Variants in TMEM132B observed in about 807,000 individuals in gnomAD.
TMEM132B encodes transmembrane protein 132B.
A neutral mutation model predicts 90.8 loss-of-function variants in TMEM132B; 18 were observed. The ratio of observed to expected loss-of-function variants is 0.20; its 90% CI spans 0.14 to 0.29. The LOEUF (loss-of-function observed/expected upper bound fraction) is 0.29. Ranked by LOEUF, TMEM132B falls within the 10% of genes least tolerant of loss-of-function variation. The probability of loss-of-function intolerance (pLI) is 1.00; values close to 1 mark genes in which losing one functional copy is unlikely to be tolerated. For synonymous variants in TMEM132B, 504 were observed against 523.3 expected, an observed-to-expected ratio of 0.96 and a Z score of 0.50; for missense variants, 1,096 against 1,326.8, an observed-to-expected ratio of 0.83 and a Z score of 2.70.
At chr12:125,284,768 A>G (rs1291792521) in intron 1 of TMEM132B, among the ~76,000 whole-genome samples, 1 of 152,094 alleles carries the variant, frequency 6.6e-6, no homozygotes, top group Non-Finnish European at 1.5e-5. Flanking sequence ...TTTATTGGCC[A>G]ATGTAGCTAA....
chr12:125,393,194 G>A (rs146049610), intron 2 of TMEM132B, among the ~76,000 whole-genome samples: 1 of 152,158 alleles, frequency 6.6e-6, no homozygotes, highest in South Asian at 2.1e-4. Context: ...CAATCACAGG[G>A]ACCTGCTGCA....
At chr12:125,350,482 A>T in intron 2 of TMEM132B, 139 bp downstream of exon 2, 11 of 1,021,304 alleles carry the variant, frequency 1.1e-5, no homozygotes, top group Non-Finnish European at 1.4e-5. Flanking sequence ...TGGTGAAAAC[A>T]GATTTTATTC....
intron 1 of TMEM132B, among the ~76,000 whole-genome samples, chr12:125,270,948 GT>G (rs35421730): frequency 5.1e-4 from 75 of 145,850 alleles, no homozygotes; most frequent in African/African-American, 7.5e-4. Flanking sequence ...AAACATAGTT[GT>G]TTTTTTTTTT....
In TMEM132B at chr12:125,653,933, C is replaced by T. The variant is rs369560013; in HGVS notation, c.2475C>T (p.Arg825=). 1.3e-4 allele frequency: 214 copies of T among 1,614,048 alleles called. 1 individual carries two copies. The East Asian group carries it at 1.4e-3, about 11-fold the overall frequency. ...YKDHLSNSIE[R]EGNQERAVQE... ...ACCACCTCAGTAATTCCATAGAGCG[C>T]GAAGGAAACCAGGAGAGAGCAGTCC... Residue 825 remains arginine, a synonymous_variant, in exon 9 of 9, where the codon CGC becomes CGT. Transcript: ENST00000682704.
In TMEM132B at chr12:125,657,863, A is replaced by G. The variant is rs1281914174; in HGVS notation, c.*3153A>G. 2.6e-5 allele frequency: 4 copies of G among 152,334 alleles called. No homozygotes were observed. Among genetic ancestry groups the G allele is most frequent in the Non-Finnish European group, 5.9e-5 (4 of 68,066 alleles). 9.4% of individuals were successfully genotyped at this position (152,334 alleles called of 1,614,324 possible). A position where few individuals can be genotyped will look rare whatever the true frequency, so the allele number is the denominator to read the frequency against. ...GGTTCAGATGCTAGACGACCAGCGT[A>G]TGACCTGGAACCATTGAGGATTGCA... On this transcript the variant is annotated 3_prime_UTR_variant, in exon 9 of 9. Transcript: ENST00000682704.
At chr12:125,257,863 C>A (rs1288944104) in intron 1 of TMEM132B, among the ~76,000 whole-genome samples, 1 of 152,186 alleles carries the variant, frequency 6.6e-6, no homozygotes, top group African/African-American at 2.4e-5. Flanking sequence ...GGAATGAATT[C>A]TTCCCTAGGG....
chr12:125,212,741 C>T (rs1422110211), intron 1 of TMEM132B, among the ~76,000 whole-genome samples: 1 of 152,112 alleles, frequency 6.6e-6, no homozygotes, highest in Non-Finnish European at 1.5e-5. Context: ...ACCTCGATCT[C>T]CCAAAGTGTT....
intron 3 of TMEM132B, among the ~76,000 whole-genome samples, chr12:125,462,047 C>T (rs945393303): frequency 6.6e-6 from 1 of 152,212 alleles, no homozygotes; most frequent in Non-Finnish European, 1.5e-5. Flanking sequence ...ATTGGCTGGG[C>T]TGGCTCACAT....
intron 2 of TMEM132B, among the ~76,000 whole-genome samples, chr12:125,401,379 G>A (rs1360315767): frequency 6.6e-6 from 1 of 152,152 alleles, no homozygotes; most frequent in Non-Finnish European, 1.5e-5. Flanking sequence ...TATTGGGTAC[G>A]GTTTAGTGCT....
intron 1 of TMEM132B, among the ~76,000 whole-genome samples, chr12:125,320,946 TC>T (rs1876411831): frequency 6.6e-6 from 1 of 152,234 alleles, no homozygotes; most frequent in Non-Finnish European, 1.5e-5. Context: ...TCACCTGAGC[TC>T]ATTTATAACT....
intron 4 of TMEM132B, among the ~76,000 whole-genome samples, chr12:125,564,608 T>C (rs1025268422): frequency 3.3e-5 from 5 of 152,220 alleles, no homozygotes; most frequent in Non-Finnish European, 5.9e-5. Context: ...AGGTCCAGGA[T>C]TGAAGGGCTT....
intron 2 of TMEM132B, among the ~76,000 whole-genome samples, chr12:125,404,335 GC>G (rs1369368531): frequency 6.6e-6 from 1 of 152,144 alleles, no homozygotes; most frequent in East Asian, 1.9e-4. Context: ...GGAGACATTT[GC>G]CTTTGCCTAG....
intron 4 of TMEM132B, among the ~76,000 whole-genome samples, chr12:125,552,821 C>T (rs1884268865): frequency 6.6e-6 from 1 of 152,190 alleles, no homozygotes; most frequent in Admixed American, 6.5e-5. Context: ...TAGATGAAGC[C>T]ACTCTGCAAT....
intron 2 of TMEM132B, among the ~76,000 whole-genome samples, chr12:125,402,814 C>A (rs191366628): frequency 6.6e-6 from 1 of 152,246 alleles, no homozygotes; most frequent in African/African-American, 2.4e-5. Context: ...TTCAAGGATT[C>A]ATACAGCAAA....
chr12:125,586,028 G>T, intron 5 of TMEM132B: 1 of 152,166 alleles, frequency 6.6e-6, no homozygotes, highest in East Asian at 1.9e-4. Context: ...ATAACTCCAA[G>T]TTGAATGGAG....
chr12:125,614,941 C>G (rs1885950941), intron 5 of TMEM132B, among the ~76,000 whole-genome samples: 1 of 152,044 alleles, frequency 6.6e-6, no homozygotes, highest in Non-Finnish European at 1.5e-5. Flanking sequence ...GATAGTTTTG[C>G]CAGTTGTAGG....
At chr12:125,552,545 A>G (rs1335252129) in intron 4 of TMEM132B, among the ~76,000 whole-genome samples, 1 of 152,172 alleles carries the variant, frequency 6.6e-6, no homozygotes, top group Admixed American at 6.5e-5. Context: ...CCATTGAAAG[A>G]AACCCAAAAG....
At chr12:125,505,505 C>A (rs1390673710) in intron 3 of TMEM132B, among the ~76,000 whole-genome samples, 1 of 151,894 alleles carries the variant, frequency 6.6e-6, no homozygotes, top group Non-Finnish European at 1.5e-5. Flanking sequence ...TTGAGACCAG[C>A]CTGGTCAGTG....
intron 3 of TMEM132B, among the ~76,000 whole-genome samples, chr12:125,449,677 T>TG (rs1007290051): frequency 2.5e-4 from 31 of 122,584 alleles, no homozygotes; most frequent in African/African-American, 9.5e-4. Context: ...TATCAAATTG[T>TG]GGGGTTTTTT....
Sources: gnomAD v4.1 joint callset for allele counts (sites outside exome capture counted in the v4.1 genomes callset) on GRCh38, gnomAD v4.1.1 for gene constraint, MANE v1.5 for transcripts, NCBI Gene and HGNC (gene_info 2026-07-23, HGNC 2026-07-21) for gene names.